The following ASTN2 variants were observed in gnomAD, a reference collection of about 807,000 sequenced individuals.
The protein encoded by ASTN2 is astrotactin 2.
ASTN2 carries 54 observed loss-of-function variants against 139.8 expected under a neutral mutation model. The ratio of observed to expected loss-of-function variants is 0.39; its 90% CI spans 0.31 to 0.48. The LOEUF is 0.48. Among genes scored for constraint, ASTN2 ranks in the 20% least tolerant of loss-of-function variants. The pLI is 0.95. For synonymous variants in ASTN2, 756 were observed against 719.5 expected, an observed-to-expected ratio of 1.05 and a Z score of -0.81; for missense variants, 1,565 against 1,725.1, an observed-to-expected ratio of 0.91 and a Z score of 1.64.
intron 20 of ASTN2, among the ~76,000 whole-genome samples, chr9:116,462,468 A>G (rs955999170): frequency 2.8e-4 from 43 of 152,194 alleles, no homozygotes; most frequent in African/African-American, 9.9e-4. Context: ...GCCATGCAAT[A>G]ATAATCCTGT....
intron 13 of ASTN2, among the ~76,000 whole-genome samples, chr9:116,752,900 A>T (rs139067356): frequency 5.5e-3 from 845 of 152,354 alleles, no homozygotes; most frequent in Admixed American, 8.9e-3. Context: ...AAACAGAAAG[A>T]GTTAATTGCT....
chr9:116,770,134 C>G (rs1829919092), intron 13 of ASTN2, among the ~76,000 whole-genome samples: 1 of 150,842 alleles, frequency 6.6e-6, no homozygotes, highest in African/African-American at 2.4e-5. Flanking sequence ...AAAGCTACCG[C>G]AAGGATAGAG....
rs1033512394 is a variant in ASTN2, at chr9:117,096,167, G to A, written c.1169-16C>T. Reference sequence around the variant, plus strand: ...CTGATTCCTCCTGTGAGTAAGCACAGTCTATCAGTTAGTCTCCCAGGCCTC... The same window carrying A: ...CTGATTCCTCCTGTGAGTAAGCACAATCTATCAGTTAGTCTCCCAGGCCTC... On this transcript the variant is annotated splice_polypyrimidine_tract_variant and intron_variant, in intron 4 of 22. Coordinates refer to ENST00000313400, the MANE Select transcript of ASTN2 (RefSeq NM_001365068.1). 8 of 1,605,526 alleles carry A rather than the reference G, an allele frequency of 5.0e-6. No individual in the cohort carries two copies. In the African/African-American group the frequency reaches 5.4e-5, roughly 11 times the overall value.
chr9:116,670,280 C>T lies in ASTN2; in HGVS notation c.2807-18487G>A, dbSNP rs557175162. Reference sequence around the variant, plus strand: ...TAGAACATGGTAAGGAATCAATAAACGCTAGTAATCACCATGATGATGATA... The same window carrying T: ...TAGAACATGGTAAGGAATCAATAAATGCTAGTAATCACCATGATGATGATA... On this transcript the variant is annotated intron_variant, in intron 16 of 22. Transcript: ENST00000313400. Among the ~76,000 whole-genome samples, 9 of 152,130 alleles carry T rather than the reference C, an allele frequency of 5.9e-5. No individual in the cohort carries two copies. The South Asian group carries it at 6.2e-4, about 11-fold the overall frequency.
chr9:116,893,113 ATC>A (rs935246139), intron 10 of ASTN2, among the ~76,000 whole-genome samples: 1 of 151,600 alleles, frequency 6.6e-6, no homozygotes, highest in Non-Finnish European at 1.5e-5. Context: ...ATGAGTTTTT[ATC>A]TGTTTTACTC....
At chr9:116,596,227 T>A (rs1185704729) in intron 19 of ASTN2, among the ~76,000 whole-genome samples, 2 of 152,140 alleles carry the variant, frequency 1.3e-5, no homozygotes, top group African/African-American at 4.8e-5. Flanking sequence ...GTATCTAAAA[T>A]AGGCAAAGTC....
At chr9:116,586,506 C>G (rs1180997087) in intron 19 of ASTN2, among the ~76,000 whole-genome samples, 1 of 152,114 alleles carries the variant, frequency 6.6e-6, no homozygotes, top group African/African-American at 2.4e-5. Flanking sequence ...ATAGATGCAG[C>G]TGGAGGCGAT....
At chr9:116,746,834 C>T (rs1255762245) in intron 13 of ASTN2, among the ~76,000 whole-genome samples, 2 of 152,120 alleles carry the variant, frequency 1.3e-5, no homozygotes, top group South Asian at 2.1e-4. Context: ...CATGAGCACT[C>T]GAGAGCAAGA....
chr9:116,976,089 T>C, intron 9 of ASTN2, 25 bp downstream of exon 9: 1 of 1,608,774 alleles, frequency 6.2e-7, no homozygotes, highest in Non-Finnish European at 8.5e-7. Context: ...CCCAGAATTA[T>C]GCCCCAACAA....
intron 1 of ASTN2, among the ~76,000 whole-genome samples, chr9:117,361,511 T>G (rs1829691395): frequency 6.6e-6 from 1 of 152,078 alleles, no homozygotes; most frequent in Admixed American, 6.6e-5. Flanking sequence ...AAAACAAAAC[T>G]GCATAGGTTG....
intron 17 of ASTN2, among the ~76,000 whole-genome samples, chr9:116,643,190 T>C (rs1564177005): frequency 6.6e-6 from 1 of 152,220 alleles, no homozygotes; most frequent in Admixed American, 6.5e-5. Context: ...GCCAGGCACA[T>C]AGTTGGCACT....
chr9:116,678,467 G>A (rs1859637805), intron 16 of ASTN2, among the ~76,000 whole-genome samples: 1 of 152,186 alleles, frequency 6.6e-6, no homozygotes, highest in Non-Finnish European at 1.5e-5. Flanking sequence ...TATAAGGTGT[G>A]TAGGGAACGT....
In ASTN2 at chr9:116,870,523, C is replaced by T. The variant is rs574967821; in HGVS notation, c.1890-6790G>A. ...TGGCCTCCCAGCAGCTGTTTCTGTT[C>T]CTATATAACCCAGACATTGTGCAAA... is the stretch of plus-strand genomic sequence containing the variant. On this transcript the variant is annotated intron_variant, in intron 10 of 22. Coordinates refer to ENST00000313400, the MANE Select transcript of ASTN2 (RefSeq NM_001365068.1). Among the ~76,000 whole-genome samples, 104 of 152,256 alleles carry T rather than the reference C, an allele frequency of 6.8e-4. 2 individuals are homozygous for T. The South Asian group carries it at 0.017, about 24-fold the overall frequency.
chr9:117,171,198 G>A (rs915453459), intron 3 of ASTN2, among the ~76,000 whole-genome samples: 8 of 149,710 alleles, frequency 5.3e-5, no homozygotes, highest in African/African-American at 1.7e-4. Flanking sequence ...TTACGAGGAA[G>A]CACAGAATAG....
Position 117,015,031 on chromosome 9 carries a change from G to A in ASTN2, c.1424-6772C>T, listed in dbSNP as rs562885501. Among the ~76,000 whole-genome samples the A allele has an allele frequency of 2.6e-5, 4 of 152,146 alleles. No individual in the cohort carries two copies. In the East Asian group the frequency reaches 5.8e-4, roughly 22 times the overall value. On this transcript the variant is annotated intron_variant, in intron 6 of 22. Coordinates refer to ENST00000313400, the MANE Select transcript of ASTN2 (RefSeq NM_001365068.1). The stretch of plus-strand genomic sequence containing the variant: ...TTGTTTGTTGTTTGTTGTTGTTGTT[G>A]TTGTTGAAACAGCTCTAACTCACCC...
chr9:116,873,801 G>T (rs975345533), intron 10 of ASTN2, among the ~76,000 whole-genome samples: 19 of 152,152 alleles, frequency 1.2e-4, no homozygotes, highest in Non-Finnish European at 2.4e-4. Context: ...AGATCTGGTT[G>T]TGTAAAAGTG....
intron 13 of ASTN2, among the ~76,000 whole-genome samples, chr9:116,734,929 A>G (rs538007897): frequency 1.3e-5 from 2 of 152,110 alleles, no homozygotes; most frequent in African/African-American, 4.8e-5. Flanking sequence ...CATTATCATC[A>G]TTGTCTTTGT....
chr9:116,770,941 CT>C (rs1829939262), intron 13 of ASTN2, among the ~76,000 whole-genome samples: 1 of 152,144 alleles, frequency 6.6e-6, no homozygotes, highest in Non-Finnish European at 1.5e-5. Flanking sequence ...TTATATGGAG[CT>C]TCACCACCTC....
chr9:116,857,223 T>C (rs923919659), intron 11 of ASTN2, among the ~76,000 whole-genome samples: 6 of 152,324 alleles, frequency 3.9e-5, no homozygotes, highest in African/African-American at 1.4e-4. Context: ...AAAATGGACA[T>C]GATAGTTCCG....
Sources: allele counts gnomAD v4.1 joint callset (sites outside exome capture counted in the v4.1 genomes callset), GRCh38; gene constraint gnomAD v4.1.1; transcripts MANE v1.5; gene names NCBI Gene and HGNC (gene_info 2026-07-23, HGNC 2026-07-21).